Variants in NKD1 observed in about 807,000 individuals in gnomAD.
The protein encoded by NKD1 is NKD inhibitor of Wnt signaling pathway 1.
Under a neutral mutation model 56.0 loss-of-function variants are expected in NKD1, and 21 were observed. The observed-to-expected ratio is 0.38, with a 90% CI of 0.27 to 0.54. The LOEUF (loss-of-function observed/expected upper bound fraction) is 0.54, where lower values mean the gene tolerates loss of function less well. NKD1 is among the 20% of genes least tolerant of loss of function. The probability of loss-of-function intolerance (pLI) is 0.82; values close to 1 mark genes in which losing one functional copy is unlikely to be tolerated. For synonymous variants in NKD1, 263 were observed against 265.7 expected (o/e 0.99, Z 0.10); for missense variants, 578 against 642.7 (o/e 0.90, Z 1.09).
At chr16:50,574,302 A>G in intron 3 of NKD1, 1 of 985,356 alleles carries the variant, frequency 1.0e-6, no homozygotes, top group Non-Finnish European at 1.2e-6. Context: ...GGGATTGGAA[A>G]TGTGGGTGTG....
chr16:50,576,666 A>ACCCTTAT (rs751319445), intron 3 of NKD1, among the ~76,000 whole-genome samples: 3 of 149,200 alleles, frequency 2.0e-5, no homozygotes, highest in Non-Finnish European at 3.0e-5. Flanking sequence ...TCATGGGTGT[A>ACCCTTAT]CCCTTATCCC....
rs1011957796 is a variant in NKD1 at position 50,637,860 on chromosome 16, G to A, written c.*4079G>A. 1 of 152,206 alleles carries A rather than the reference G, an allele frequency of 6.6e-6. No homozygotes were observed. The highest frequency in any genetic ancestry group is 6.5e-5 in the Admixed American group (1 of 15,278). The allele number at this position is 152,206 out of a possible 1,614,324, so 9.4% of individuals were successfully genotyped here. On this transcript the variant is annotated 3_prime_UTR_variant, in exon 10 of 10. Coordinates refer to ENST00000268459, the MANE Select transcript of NKD1 (RefSeq NM_033119.5). Reference sequence around the variant, plus strand: ...TGGTGAGAGGATGCCGATTTCTGCTGATCTGTCACTGGGTACCGAGGACTG... The same window carrying A: ...TGGTGAGAGGATGCCGATTTCTGCTAATCTGTCACTGGGTACCGAGGACTG...
chr16:50,564,396 G>T (rs1960712570), intron 3 of NKD1, among the ~76,000 whole-genome samples: 1 of 152,234 alleles, frequency 6.6e-6, no homozygotes, highest in Non-Finnish European at 1.5e-5. Context: ...TGAGTGGGTG[G>T]CTGTTTTCCA....
rs1016135347 is a variant in NKD1 at position 50,574,965 on chromosome 16, A to C, written c.192+25410A>C. On this transcript the variant is annotated intron_variant, in intron 3 of 9. Coordinates refer to ENST00000268459, the MANE Select transcript of NKD1 (RefSeq NM_033119.5). ...TTAAACATCAGAATTGGCTTAGGGCATTCTTTAAAAGCATAACCCTGGTGC... is the reference window on the plus strand; with the variant it reads ...TTAAACATCAGAATTGGCTTAGGGCCTTCTTTAAAAGCATAACCCTGGTGC... 1.4e-5 allele frequency: 14 copies of C among 985,370 alleles called. No homozygotes were observed. In the East Asian group the frequency reaches 3.4e-4, roughly 24 times the overall value. The allele number at this position is 985,370 out of a possible 1,614,324, so 61.0% of individuals were successfully genotyped here. A position where few individuals can be genotyped will look rare whatever the true frequency, so the allele number is the denominator to read the frequency against.
rs550514168 is a variant in NKD1 at position 50,584,777 on chromosome 16, A to G, written c.193-23517A>G. 1.1e-4 allele frequency among the ~76,000 whole-genome samples: 16 copies of G among 152,338 alleles called. No homozygotes were observed. The East Asian group carries it at 2.7e-3, about 26-fold the overall frequency. On this transcript the variant is annotated intron_variant, in intron 3 of 9. Transcript: ENST00000268459. ...TTTCTTTCCCTTGACCTCCATGGATAAACAAGGGTCTCTTTCATTTAGGAT... is the reference window on the plus strand; with the variant it reads ...TTTCTTTCCCTTGACCTCCATGGATGAACAAGGGTCTCTTTCATTTAGGAT...
chr16:50,552,701 C>T (rs1195966412), intron 3 of NKD1, among the ~76,000 whole-genome samples: 1 of 152,226 alleles, frequency 6.6e-6, no homozygotes, highest in African/African-American at 2.4e-5. Flanking sequence ...ATTTTCATCC[C>T]TGGCGGGTTA....
intron 4 of NKD1, among the ~76,000 whole-genome samples, chr16:50,610,977 C>T (rs1002894388): frequency 3.3e-5 from 5 of 152,174 alleles, no homozygotes; most frequent in Non-Finnish European, 7.4e-5. Context: ...CCTCAGCTGA[C>T]CCAGCTGAGG....
chr16:50,624,909 G>T (rs556484338), intron 5 of NKD1, among the ~76,000 whole-genome samples: 4 of 152,210 alleles, frequency 2.6e-5, no homozygotes, highest in Non-Finnish European at 5.9e-5. Flanking sequence ...TGGGCTGAGG[G>T]CATGTGGGTG....
Position 50,598,049 on chromosome 16 carries a change from G to C in NKD1, c.193-10245G>C, listed in dbSNP as rs1447449135. ...GTCCAGGGCTGGGAGGCTCCAAGTGGGCGGTCTGGCCTGTGAGAGGGATGG... is the reference window on the plus strand; with the variant it reads ...GTCCAGGGCTGGGAGGCTCCAAGTGCGCGGTCTGGCCTGTGAGAGGGATGG... On this transcript the variant is annotated intron_variant, in intron 3 of 9. Coordinates refer to ENST00000268459, the MANE Select transcript of NKD1 (RefSeq NM_033119.5). The surrounding 1 kb of genome is among the most constrained non-coding windows in gnomAD (Gnocchi z 4.2). Among the ~76,000 whole-genome samples, 1 of 152,130 alleles carries C rather than the reference G, an allele frequency of 6.6e-6. No individual in the cohort carries two copies. Among genetic ancestry groups the C allele is most frequent in the African/African-American group, 2.4e-5 (1 of 41,428 alleles).
intron 3 of NKD1, among the ~76,000 whole-genome samples, chr16:50,567,005 G>GC (rs34109432): frequency 0.18 from 26,098 of 146,288 alleles, 2,516 homozygotes; most frequent in Non-Finnish European, 0.23. Flanking sequence ...AGTTTTTATG[G>GC]CCCCCCCCCT....
intron 3 of NKD1, among the ~76,000 whole-genome samples, chr16:50,600,422 G>T (rs574234575): frequency 6.6e-6 from 1 of 151,898 alleles, no homozygotes; most frequent in East Asian, 1.9e-4. Context: ...GTGATCATGC[G>T]ACTGCACTCC....
At position 50,645,856 on chromosome 16, in the gene NKD1, T is replaced by C. The variant is rs1962668109; in HGVS notation, c.*12075T>C. 6.6e-6 allele frequency: 1 copy of C among 152,104 alleles called. No individual in the cohort carries two copies. The highest frequency in any genetic ancestry group is 1.5e-5 in the Non-Finnish European group (1 of 68,018). 9.4% of individuals were successfully genotyped at this position (152,104 alleles called of 1,614,324 possible). On this transcript the variant is annotated 3_prime_UTR_variant, in exon 10 of 10. Coordinates refer to ENST00000268459, the MANE Select transcript of NKD1 (RefSeq NM_033119.5). ...AAAGAAAGGGCAAAGACAGAGAGACTGGGAGAGAAAGAGGCCCCAATTTCC... is the reference window on the plus strand; with the variant it reads ...AAAGAAAGGGCAAAGACAGAGAGACCGGGAGAGAAAGAGGCCCCAATTTCC...
At chr16:50,574,989 G>A (rs1960961957) in intron 3 of NKD1, 1 of 985,222 alleles carries the variant, frequency 1.0e-6, no homozygotes. Flanking sequence ...TAACCCTGGT[G>A]CTTCTCACAG....
chr16:50,613,296 C>T (rs908837320), intron 4 of NKD1, among the ~76,000 whole-genome samples: 3 of 151,918 alleles, frequency 2.0e-5, no homozygotes, highest in Admixed American at 2.0e-4. Context: ...AGAGAGAGAG[C>T]GAGTCAAGAC....
chr16:50,570,080 T>G (rs1361858275), intron 3 of NKD1, among the ~76,000 whole-genome samples: 3 of 152,224 alleles, frequency 2.0e-5, no homozygotes, highest in African/African-American at 4.8e-5. Flanking sequence ...TCAACTTTTT[T>G]TTATTAATAA....
chr16:50,610,417 C>T (rs1262222103), intron 4 of NKD1, among the ~76,000 whole-genome samples: 1 of 152,140 alleles, frequency 6.6e-6, no homozygotes, highest in Non-Finnish European at 1.5e-5. Flanking sequence ...TGGCCCGAGG[C>T]CTCCCACCCC....
At chr16:50,625,840 T>C (rs1962199507) in intron 6 of NKD1, among the ~76,000 whole-genome samples, 1 of 93,770 alleles carries the variant, frequency 1.1e-5, no homozygotes, top group South Asian at 2.7e-4. Flanking sequence ...GGGAAAGAAG[T>C]TGGGGGGGGC....
chr16:50,608,823 T>C (rs1189696758), intron 4 of NKD1, among the ~76,000 whole-genome samples: 1 of 152,144 alleles, frequency 6.6e-6, no homozygotes, highest in African/African-American at 2.4e-5. Context: ...ACCTCTCTCC[T>C]CTGTTGTCCT....
At position 50,579,853 on chromosome 16, in the gene NKD1, C is replaced by A. The variant is rs151019371; in HGVS notation, c.193-28441C>A. ...TACACATGCACTCTAACCTGCCATGCATGCACTCTCTTAGTCTCCTGGGCT... is the reference window on the plus strand; with the variant it reads ...TACACATGCACTCTAACCTGCCATGAATGCACTCTCTTAGTCTCCTGGGCT... On this transcript the variant is annotated intron_variant, in intron 3 of 9. Transcript: ENST00000268459. Among the ~76,000 whole-genome samples, 179 of 152,302 alleles carry A rather than the reference C, an allele frequency of 1.2e-3. 2 individuals carry two copies. The South Asian group carries it at 0.012, about 10-fold the overall frequency.
Sources: allele counts gnomAD v4.1 joint callset (sites outside exome capture counted in the v4.1 genomes callset), GRCh38; gene constraint gnomAD v4.1.1; non-coding constraint Gnocchi (gnomAD v3.1); transcripts MANE v1.5; gene names NCBI Gene and HGNC (gene_info 2026-07-23, HGNC 2026-07-21).